ACO2: variants seen among roughly 807,000 people sequenced by gnomAD.
ACO2 encodes the protein aconitate hydratase, mitochondrial.
In ACO2, 31 loss-of-function variants were observed where a neutral mutation model predicts 84.5. The observed-to-expected ratio is 0.37, with a 90% CI of 0.28 to 0.50. The LOEUF (loss-of-function observed/expected upper bound fraction) is 0.50, where lower values mean the gene tolerates loss of function less well. Ranked by LOEUF, ACO2 falls within the 20% of genes least tolerant of loss-of-function variation. The probability of loss-of-function intolerance (pLI) is 0.97; values close to 1 mark genes in which losing one functional copy is unlikely to be tolerated. For synonymous variants in ACO2, 414 were observed against 412.7 expected, an observed-to-expected ratio of 1.00 and a Z score of -0.04; for missense variants, 685 against 1,029.3, an observed-to-expected ratio of 0.67 and a Z score of 4.58.
chr22:41,501,363 C>G lies in ACO2; in HGVS notation c.173+1501C>G, dbSNP rs1212269786. On this transcript the variant is annotated intron_variant, in intron 2 of 17. Transcript: ENST00000216254. ...TCATTTTCCTCACTTGGTAAAATGG[C>G]AGTCAGCTCTGCCCTGCTGTCCTGT... is the stretch of plus-strand genomic sequence containing the variant. 1.3e-5 allele frequency among the ~76,000 whole-genome samples: 2 copies of G among 152,136 alleles called. 1 individual carries two copies. The highest frequency in any genetic ancestry group is 2.9e-5 in the Non-Finnish European group (2 of 68,018).
chr22:41,473,508 A>G, intron 1 of ACO2, among the ~76,000 whole-genome samples: 1 of 152,206 alleles, frequency 6.6e-6, no homozygotes, highest in Admixed American at 6.5e-5. Context: ...CTGTCTCAAG[A>G]AAAAGAAAGA....
intron 1 of ACO2, among the ~76,000 whole-genome samples, chr22:41,474,810 G>A (rs5758371): frequency 0.17 from 23,857 of 143,124 alleles, 4,729 homozygotes; most frequent in East Asian, 0.49. Flanking sequence ...ACTATTAGCC[G>A]GGATGGTCTC....
At chr22:41,528,066 C>T (rs1381026199) in intron 17 of ACO2, 44 bp downstream of exon 17, 1 of 1,612,764 alleles carries the variant, frequency 6.2e-7, no homozygotes, top group Non-Finnish European at 8.5e-7. Context: ...TGAGGGGCAG[C>T]CACCTTGTTT....
At position 41,527,892 on chromosome 22, in the gene ACO2, G is replaced by A; in HGVS notation, c.2087-9G>A. On this transcript the variant is annotated splice_polypyrimidine_tract_variant and intron_variant, in intron 16 of 17. Coordinates refer to ENST00000216254, the MANE Select transcript of ACO2 (RefSeq NM_001098.3). ...GGCCCCCGATGACCGAATGCCGCCT[G>A]CTTTCCAGAGACCAACCTGAAGAAA... is the stretch of plus-strand genomic sequence containing the variant. 2 of 1,614,170 alleles carry A rather than the reference G, an allele frequency of 1.2e-6. No homozygotes were observed. The highest frequency in any genetic ancestry group is 8.5e-7 in the Non-Finnish European group (1 of 1,180,030).
chr22:41,508,271 T>C (rs2066409123), intron 3 of ACO2, among the ~76,000 whole-genome samples: 1 of 152,250 alleles, frequency 6.6e-6, no homozygotes, highest in African/African-American at 2.4e-5. Context: ...AAATCATCCT[T>C]GACCTTACCA....
chr22:41,505,434 A>C (rs2066386207), intron 2 of ACO2, among the ~76,000 whole-genome samples: 1 of 150,592 alleles, frequency 6.6e-6, no homozygotes, highest in African/African-American at 2.4e-5. Flanking sequence ...TAACAATAAT[A>C]ATAATAATAA....
chr22:41,504,938 C>T (rs1383964310), intron 2 of ACO2, among the ~76,000 whole-genome samples: 5 of 151,682 alleles, frequency 3.3e-5, no homozygotes, highest in Non-Finnish European at 7.4e-5. Flanking sequence ...AGTCTCAAAA[C>T]GCCTGGACTC....
chr22:41,498,081 T>C (rs1601899577), intron 1 of ACO2, among the ~76,000 whole-genome samples: 1 of 151,902 alleles, frequency 6.6e-6, no homozygotes, highest in Non-Finnish European at 1.5e-5. Flanking sequence ...GAGGCGGAGG[T>C]TGCAGTGAGC....
chr22:41,521,185 G>A (rs2066523780), intron 9 of ACO2: 1 of 152,158 alleles, frequency 6.6e-6, no homozygotes, highest in Non-Finnish European at 1.5e-5. Context: ...CAAGCTCTTA[G>A]AGCTCTTGGA....
In ACO2 at chr22:41,507,827, G is replaced by A. The variant is rs887178970; in HGVS notation, c.210G>A (p.Val70=). The A allele has an allele frequency of 3.7e-6, 6 of 1,614,074 alleles. No homozygotes were observed. In the African/African-American group the frequency reaches 6.7e-5, roughly 18 times the overall value. ...NRPLTLSEKI[V]YGHLDDPASQ... is the part of the protein sequence containing the mutation. ...CGCTGACACTCTCGGAGAAGATTGT[G>A]TATGGACACCTGGATGACCCCGCCA... Residue 70 remains valine (V), a synonymous_variant, in exon 3 of 18, where the codon GTG becomes GTA. Coordinates refer to ENST00000216254, the MANE Select transcript of ACO2 (RefSeq NM_001098.3).
chr22:41,525,495 A>G, intron 14 of ACO2, 147 bp downstream of exon 14: 3 of 1,045,910 alleles, frequency 2.9e-6, no homozygotes, highest in African/African-American at 1.6e-5. Flanking sequence ...CAGAGCAGAG[A>G]GGGTATCGCA....
chr22:41,483,966 C>T (rs1002817023), intron 1 of ACO2, among the ~76,000 whole-genome samples: 3 of 152,072 alleles, frequency 2.0e-5, no homozygotes, highest in Non-Finnish European at 4.4e-5. Context: ...CAGGAGATGA[C>T]GAGGCTGGTG....
At chr22:41,489,055 T>C (rs995537754) in intron 1 of ACO2, among the ~76,000 whole-genome samples, 5 of 152,130 alleles carry the variant, frequency 3.3e-5, no homozygotes, top group Non-Finnish European at 1.5e-5. Context: ...CCTTTTTTTT[T>C]TGAGATAAGA....
chr22:41,469,399 A>C (rs2037912299), intron 1 of ACO2: 1 of 492,388 alleles, frequency 2.0e-6, no homozygotes, highest in Non-Finnish European at 3.5e-6. Context: ...CCTGCCTCGC[A>C]AGAAGCGTGG....
rs1191153529 is a variant in ACO2, at chr22:41,517,626, G to A, written c.935G>A (p.Arg312Gln). The A allele has an allele frequency of 6.2e-7, 1 of 1,613,692 alleles. No homozygotes were observed. The highest frequency in any genetic ancestry group is 8.5e-7 in the Non-Finnish European group (1 of 1,179,918). The change falls in exon 7 of 18, where the codon CGG (arginine) becomes CAG (glutamine). Residue 312 changes from arginine to glutamine, a missense_variant. Coordinates refer to ENST00000216254, the MANE Select transcript of ACO2 (RefSeq NM_001098.3). ...RMKKYLSKTG[R>Q]EDIANLADEF... is the part of the protein sequence containing the mutation. ...AAGAAGTACCTGAGCAAGACCGGCC[G>A]GGAAGGTGAGCTGGCAGGGGCAGGC...
In ACO2 at chr22:41,511,941, G is replaced by T; in HGVS notation, c.498G>T (p.Trp166Cys). Residue 166 changes from tryptophan to cysteine, a missense_variant, in exon 4 of 18, where the codon TGG (tryptophan) becomes TGT (cysteine). Coordinates refer to ENST00000216254, the MANE Select transcript of ACO2 (RefSeq NM_001098.3). ...TAGAKYGVGF[W>C]KPGSGIIHQI... ...GTGCCAAATATGGCGTGGGCTTCTG[G>T]AAGCCTGGATCTGGAATCATTCACC... 6.2e-7 allele frequency: 1 copy of T among 1,611,196 alleles called. No individual in the cohort carries two copies. The highest frequency in any genetic ancestry group is 8.5e-7 in the Non-Finnish European group (1 of 1,178,842).
At chr22:41,517,359 T>G in intron 6 of ACO2, 168 bp from the exon 7 acceptor site, 1 of 615,472 alleles carries the variant, frequency 1.6e-6, no homozygotes. Context: ...CGGCCCAGGT[T>G]TTTACCCAGG....
chr22:41,477,081 C>T (rs901627552), intron 1 of ACO2, among the ~76,000 whole-genome samples: 1 of 150,928 alleles, frequency 6.6e-6, no homozygotes, highest in Non-Finnish European at 1.5e-5. Context: ...AGCGAGTCTC[C>T]TGCCTCAGCC....
intron 1 of ACO2, among the ~76,000 whole-genome samples, chr22:41,480,121 G>C (rs947852400): frequency 3.9e-5 from 6 of 152,182 alleles, no homozygotes; most frequent in Non-Finnish European, 5.9e-5. Flanking sequence ...CTACCAGGAG[G>C]GGGAGAAAAT....
Sources: allele counts gnomAD v4.1 joint callset (sites outside exome capture counted in the v4.1 genomes callset), GRCh38; gene constraint gnomAD v4.1.1; transcripts MANE v1.5; gene names NCBI Gene and HGNC (gene_info 2026-07-23, HGNC 2026-07-21).